PPP2R2B: variants seen among roughly 807,000 people sequenced by gnomAD.
The protein encoded by PPP2R2B is serine/threonine-protein phosphatase 2A 55 kDa regulatory subunit B beta isoform.
A neutral mutation model predicts 46.0 loss-of-function variants in PPP2R2B; 5 were observed. The ratio of observed to expected loss-of-function variants is 0.11; its 90% confidence interval spans 0.06 to 0.23. The LOEUF (loss-of-function observed/expected upper bound fraction) is 0.23. PPP2R2B is among the 10% of genes least tolerant of loss of function. The pLI is 1.00. For missense variants in PPP2R2B, 367 were observed against 575.0 expected, an observed-to-expected ratio of 0.64 and a Z score of 3.70; for synonymous variants, 215 against 206.7, an observed-to-expected ratio of 1.04 and a Z score of -0.34.
chr5:146,597,906 T>C (rs1771349159), intron 8 of PPP2R2B, among the ~76,000 whole-genome samples: 1 of 152,252 alleles, frequency 6.6e-6, no homozygotes, highest in Non-Finnish European at 1.5e-5. Flanking sequence ...AATTCTGCAA[T>C]GGACTCCATC....
intron 1 of PPP2R2B, among the ~76,000 whole-genome samples, chr5:146,911,398 A>C (rs2151805743): frequency 6.6e-6 from 1 of 152,286 alleles, no homozygotes; most frequent in Non-Finnish European, 1.5e-5. Context: ...CTTTTAAAAT[A>C]AATCACAGTT....
chr5:146,993,843 C>A (rs1293421502), intron 1 of PPP2R2B, among the ~76,000 whole-genome samples: 2 of 151,812 alleles, frequency 1.3e-5, no homozygotes, highest in Non-Finnish European at 2.9e-5. Flanking sequence ...CACATATAAA[C>A]TAGATTCTGG....
intron 2 of PPP2R2B, among the ~76,000 whole-genome samples, chr5:147,079,804 T>C (rs1196240996): frequency 6.6e-6 from 1 of 152,084 alleles, no homozygotes; most frequent in African/African-American, 2.4e-5. Flanking sequence ...TATCATATGG[T>C]ATCTCTCAAA....
intron 1 of PPP2R2B, among the ~76,000 whole-genome samples, chr5:147,050,677 C>CAG: frequency 6.6e-6 from 1 of 151,644 alleles, no homozygotes; most frequent in East Asian, 1.9e-4. Context: ...GATAAACACA[C>CAG]ACACACACAC....
intron 1 of PPP2R2B, among the ~76,000 whole-genome samples, chr5:147,025,952 T>A (rs938169082): frequency 1.3e-5 from 2 of 152,096 alleles, no homozygotes; most frequent in African/African-American, 4.8e-5. Flanking sequence ...CTTAGTAGAA[T>A]GAATAAAAAT....
intron 1 of PPP2R2B, among the ~76,000 whole-genome samples, chr5:146,885,282 T>C (rs1291771509): frequency 6.6e-6 from 1 of 152,250 alleles, no homozygotes; most frequent in Non-Finnish European, 1.5e-5. Context: ...CGCCAACCCA[T>C]GATCTGTCTC....
rs115406188 is a variant in PPP2R2B, at chr5:146,893,139, C to T, written c.79+162526G>A. Among the ~76,000 whole-genome samples, 1,493 of 152,300 alleles carry T rather than the reference C, an allele frequency of 9.8e-3. 19 individuals carry two copies. Among genetic ancestry groups the T allele is most frequent in the African/African-American group, 0.034 (1,411 of 41,548 alleles). ...TATTCCCTCGTGATGTGTTTCTCTT[C>T]ACTGAAGACCCAGCTCACTTGCTCT... On this transcript the variant is annotated intron_variant, in intron 1 of 8. Transcript: ENST00000336640.
chr5:146,969,782 CA>C (rs1422875284), intron 1 of PPP2R2B, among the ~76,000 whole-genome samples: 2 of 152,204 alleles, frequency 1.3e-5, no homozygotes, highest in Non-Finnish European at 2.9e-5. Flanking sequence ...CTGACAAAAG[CA>C]ACCAAGTAAA....
intron 2 of PPP2R2B, among the ~76,000 whole-genome samples, chr5:146,752,301 A>G (rs181002619): frequency 6.6e-4 from 101 of 152,020 alleles, no homozygotes; most frequent in Non-Finnish European, 1.2e-3. Context: ...ATTTATTGAG[A>G]TGAAAAAAAG....
intron 2 of PPP2R2B, among the ~76,000 whole-genome samples, chr5:147,073,206 G>A (rs1757656247): frequency 6.6e-6 from 1 of 152,176 alleles, no homozygotes. Context: ...AAATAGCCAT[G>A]GAGTTTTTTT....
chr5:146,657,996 ACAAACATTTATTGAG>A (rs1776443044), intron 5 of PPP2R2B, among the ~76,000 whole-genome samples: 1 of 152,244 alleles, frequency 6.6e-6, no homozygotes, highest in Non-Finnish European at 1.5e-5. Context: ...AAGGCCTTCA[ACAAACATTTATTGAG>A]CATCTACTAC....
chr5:146,643,794 C>A (rs1291958699), intron 6 of PPP2R2B, among the ~76,000 whole-genome samples: 1 of 152,122 alleles, frequency 6.6e-6, no homozygotes, highest in East Asian at 1.9e-4. Context: ...CAACTATATA[C>A]AAAATAAAAT....
At chr5:147,069,107 T>A (rs1339908422) in intron 2 of PPP2R2B, among the ~76,000 whole-genome samples, 1 of 152,178 alleles carries the variant, frequency 6.6e-6, no homozygotes, top group Non-Finnish European at 1.5e-5. Flanking sequence ...CAAATTTAAG[T>A]GATCTCAACA....
intron 2 of PPP2R2B, among the ~76,000 whole-genome samples, chr5:146,736,920 A>G (rs1283207144): frequency 6.6e-6 from 1 of 152,246 alleles, no homozygotes; most frequent in Non-Finnish European, 1.5e-5. Context: ...AATGTGAGCC[A>G]TATATAATTT....
intron 9 of PPP2R2B, 142 bp from the exon 10 acceptor site, chr5:146,590,368 G>GTGAT (rs1770496393): frequency 3.7e-6 from 2 of 533,684 alleles, no homozygotes; most frequent in African/African-American, 4.2e-5. Context: ...GCTCTGCAGT[G>GTGAT]TGATTATTGG....
intron 1 of PPP2R2B, among the ~76,000 whole-genome samples, chr5:146,938,419 C>A (rs988957261): frequency 1.1e-4 from 16 of 143,060 alleles, no homozygotes; most frequent in Non-Finnish European, 2.2e-4. Flanking sequence ...TGCCCAACAA[C>A]CTAAGCCCAA....
At chr5:146,963,586 T>C (rs1356413977) in intron 1 of PPP2R2B, among the ~76,000 whole-genome samples, 1 of 152,226 alleles carries the variant, frequency 6.6e-6, no homozygotes, top group Non-Finnish European at 1.5e-5. Flanking sequence ...AAGGGGTTTA[T>C]CAGCAATTAT....
chr5:146,585,267 C>CACAG lies in PPP2R2B; in HGVS notation c.*4679_*4680insCTGT, dbSNP rs1554109070. The stretch of plus-strand genomic sequence containing the variant: ...ACTTCCATCTACATGCATACACACA[C>CACAG]ACACACACACACACACACACACACA... On this transcript the variant is annotated 3_prime_UTR_variant, in exon 10 of 10. Coordinates refer to ENST00000394411, the MANE Select transcript of PPP2R2B (RefSeq NM_181675.4). 4.7e-5 allele frequency: 7 copies of CACAG among 148,204 alleles called. No homozygotes were observed. Among genetic ancestry groups the CACAG allele is most frequent in the African/African-American group, 1.8e-4 (7 of 38,854 alleles). 9.2% of individuals were successfully genotyped at this position (148,204 alleles called of 1,614,324 possible).
chr5:146,830,757 C>T (rs1758877885), intron 2 of PPP2R2B, among the ~76,000 whole-genome samples: 1 of 152,102 alleles, frequency 6.6e-6, no homozygotes, highest in Admixed American at 6.5e-5. Context: ...CAGGTGTGAG[C>T]CATTGCATCC....
Sources: allele counts gnomAD v4.1 joint callset (sites outside exome capture counted in the v4.1 genomes callset), GRCh38; gene constraint gnomAD v4.1.1; transcripts MANE v1.5; gene names NCBI Gene and HGNC (gene_info 2026-07-23, HGNC 2026-07-21).